Variants in GANC observed in about 807,000 individuals in gnomAD.
GANC encodes glucosidase alpha, neutral C.
A neutral mutation model predicts 124.2 loss-of-function variants in GANC; 117 were observed. That is an observed-to-expected ratio of 0.94 (90% CI 0.81 to 1.10). GANC has a LOEUF of 1.10. Among genes scored for constraint, GANC ranks in the 50% least tolerant of loss-of-function variants. The probability of loss-of-function intolerance (pLI) is 0.00; values close to 1 mark genes in which losing one functional copy is unlikely to be tolerated. For missense variants in GANC, 1,140 were observed against 1,095.0 expected, an observed-to-expected ratio of 1.04 and a Z score of -0.58; for synonymous variants, 377 against 376.8, an observed-to-expected ratio of 1.00 and a Z score of -0.01.
chr15:42,351,991 T>C, intron 23 of GANC, 39 bp from the exon 24 acceptor site: 2 of 1,612,038 alleles, frequency 1.2e-6, no homozygotes, highest in Non-Finnish European at 1.7e-6. Flanking sequence ...CTTCTAGAGA[T>C]TCATCAAAAT....
At chr15:42,286,796 T>C (rs2051793624) in intron 3 of GANC, among the ~76,000 whole-genome samples, 1 of 152,228 alleles carries the variant, frequency 6.6e-6, no homozygotes, top group South Asian at 2.1e-4. Flanking sequence ...CTAAGCTATG[T>C]CACACAACTT....
At position 42,308,523 on chromosome 15, in the gene GANC, G is replaced by A. The variant is rs140932629; in HGVS notation, c.722+205G>A. ...TTTTGAGACAGAGTCTTGCTCTGTCGCCCAGGCTGGAGTGCAGTGGCACAA... is the reference window on the plus strand; with the variant it reads ...TTTTGAGACAGAGTCTTGCTCTGTCACCCAGGCTGGAGTGCAGTGGCACAA... On this transcript the variant is annotated intron_variant, in intron 8 of 23. Coordinates refer to ENST00000318010, the MANE Select transcript of GANC (RefSeq NM_198141.3). 3.3e-4 allele frequency among the ~76,000 whole-genome samples: 50 copies of A among 152,046 alleles called. No individual in the cohort carries two copies. The East Asian group carries it at 8.1e-3, about 25-fold the overall frequency.
intron 21 of GANC, 134 bp downstream of exon 21, chr15:42,348,350 A>G: frequency 3.2e-6 from 2 of 626,502 alleles, no homozygotes; most frequent in Admixed American, 6.6e-5. Flanking sequence ...TCATTTCTGA[A>G]TCATTGTTCA....
At chr15:42,315,855 T>G (rs1017382513) in intron 10 of GANC, among the ~76,000 whole-genome samples, 9 of 152,018 alleles carry the variant, frequency 5.9e-5, no homozygotes, top group African/African-American at 1.9e-4. Context: ...GCCTTCAGGC[T>G]CAAGCTGCAA....
At chr15:42,286,523 T>A (rs1203109914) in intron 3 of GANC, among the ~76,000 whole-genome samples, 2 of 152,208 alleles carry the variant, frequency 1.3e-5, no homozygotes, top group African/African-American at 4.8e-5. Flanking sequence ...GTAGTTTAAA[T>A]ACATAAAAGA....
Position 42,310,789 on chromosome 15 carries a change from T to C in GANC, c.1000T>C (p.Phe334Leu). The C allele has an allele frequency of 6.2e-7, 1 of 1,614,046 alleles. No individual in the cohort carries two copies. The highest frequency in any genetic ancestry group is 1.1e-5 in the South Asian group (1 of 91,080). The change falls in exon 10 of 24, where the codon TTT becomes CTT. Residue 334 changes from phenylalanine (F) to leucine (L), a missense_variant. Physicochemically the swap from Phe to Leu is conservative, Grantham distance 22 (BLOSUM62 0). Transcript: ENST00000318010. ...WMSESGIIDVFLLTGPTPSDV... is the reference protein window; with the variant it reads ...WMSESGIIDVLLLTGPTPSDV... ...GTCAGAGAGTGGCATCATTGATGTT[T>C]TTCTGCTGACAGGACCTACACCTTC... is the stretch of plus-strand genomic sequence containing the variant.
At chr15:42,291,704 G>T (rs2051843579) in intron 4 of GANC, among the ~76,000 whole-genome samples, 1 of 152,268 alleles carries the variant, frequency 6.6e-6, no homozygotes, top group Admixed American at 6.5e-5. Context: ...TCAGAGACAA[G>T]GTGAACATAA....
rs532252968 is a variant in GANC at position 42,291,490 on chromosome 15, G to A, written c.330-1245G>A. 3.9e-5 allele frequency among the ~76,000 whole-genome samples: 6 copies of A among 152,224 alleles called. No homozygotes were observed. In the South Asian group the frequency reaches 1.0e-3, roughly 26 times the overall value. On this transcript the variant is annotated intron_variant, in intron 4 of 23. Coordinates refer to ENST00000318010, the MANE Select transcript of GANC (RefSeq NM_198141.3). Reference sequence around the variant, plus strand: ...TGCAACCAGCTCATCTAGCCCCTCTGGATTCTGTTCCCCACGAGAATCCAG... The same window carrying A: ...TGCAACCAGCTCATCTAGCCCCTCTAGATTCTGTTCCCCACGAGAATCCAG...
intron 14 of GANC, 117 bp downstream of exon 14, chr15:42,329,566 T>C (rs992818897): frequency 6.7e-5 from 72 of 1,076,878 alleles, no homozygotes; most frequent in Non-Finnish European, 8.4e-5. Flanking sequence ...GTGTGTCTTT[T>C]CTGACAACTG....
Position 42,330,667 on chromosome 15 carries a change from A to C in GANC, c.1736A>C (p.Lys579Thr). 1 of 1,604,982 alleles carries C rather than the reference A, an allele frequency of 6.2e-7. No individual in the cohort carries two copies. Among genetic ancestry groups the C allele is most frequent in the Non-Finnish European group, 8.5e-7 (1 of 1,176,308 alleles). ...CGTTCTTTCTTTGCTGGATCACAAA[A>C]GTATGGTAAGGAATGGCTCATATCA... Reference protein sequence around the residue: ...LTRSFFAGSQKYGAVWTGDNT... With the variant: ...LTRSFFAGSQTYGAVWTGDNT... The change falls in exon 15 of 24, where the codon AAG (lysine) becomes ACG (threonine). Residue 579 changes from lysine to threonine, a missense_variant. Lys to Thr is a moderately conservative substitution (Grantham distance 78). Transcript: ENST00000318010.
At chr15:42,351,212 T>C in intron 22 of GANC, 117 bp from the exon 23 acceptor site, 1 of 700,738 alleles carries the variant, frequency 1.4e-6, no homozygotes. Flanking sequence ...GACTCCCATA[T>C]GGATCATGCC....
At chr15:42,298,943 G>GT (rs1319128142) in intron 6 of GANC, among the ~76,000 whole-genome samples, 6 of 152,162 alleles carry the variant, frequency 3.9e-5, no homozygotes, top group African/African-American at 1.4e-4. Context: ...TTGCTTATCA[G>GT]TTTAAGGATT....
intron 13 of GANC, among the ~76,000 whole-genome samples, chr15:42,327,925 TTGATGA>T (rs1412652672): frequency 6.6e-6 from 1 of 152,208 alleles, no homozygotes; most frequent in Non-Finnish European, 1.5e-5. Flanking sequence ...GATGGCAGTG[TTGATGA>T]TGATGATACC....
At chr15:42,309,155 A>T (rs1310324977) in intron 8 of GANC, among the ~76,000 whole-genome samples, 2 of 152,170 alleles carry the variant, frequency 1.3e-5, no homozygotes, top group Non-Finnish European at 2.9e-5. Context: ...AGAGAAACAG[A>T]GTCTGATAAG....
chr15:42,328,176 T>G (rs1453562217), intron 13 of GANC, among the ~76,000 whole-genome samples: 1 of 152,186 alleles, frequency 6.6e-6, no homozygotes, highest in African/African-American at 2.4e-5. Flanking sequence ...AGCCCAGCTT[T>G]TAACCACTAA....
In GANC at chr15:42,308,247, C is replaced by G; in HGVS notation, c.651C>G (p.Phe217Leu). ...ANGPSSIGLD[F>L]SLHGFEHLYG... ...GCCCTTCTTCTATTGGTTTGGATTT[C>G]TCCTTGCATGGATTTGAGCATCTTT... The change falls in exon 8 of 24, where the codon TTC becomes TTG. Residue 217 changes from phenylalanine to leucine, a missense_variant. By Grantham distance (22) the Phe-to-Leu change is conservative. Transcript: ENST00000318010. The G allele has an allele frequency of 3.1e-6, 5 of 1,607,146 alleles. No homozygotes were observed. Among genetic ancestry groups the G allele is most frequent in the Non-Finnish European group, 4.3e-6 (5 of 1,174,922 alleles).
chr15:42,316,489 G>C (rs1488171814), intron 10 of GANC, among the ~76,000 whole-genome samples: 1 of 152,180 alleles, frequency 6.6e-6, no homozygotes, highest in Non-Finnish European at 1.5e-5. Context: ...AAAGCAGAGA[G>C]GGAAGGCAGC....
intron 6 of GANC, among the ~76,000 whole-genome samples, chr15:42,303,836 A>G (rs1232732032): frequency 1.3e-5 from 2 of 152,312 alleles, no homozygotes; most frequent in East Asian, 3.9e-4. Context: ...CCAATACAGG[A>G]GCACCCAGAT....
chr15:42,296,595 G>GGC (rs1555412861), intron 5 of GANC, among the ~76,000 whole-genome samples: 1 of 152,084 alleles, frequency 6.6e-6, no homozygotes, highest in Non-Finnish European at 1.5e-5. Context: ...GTTTCACCAT[G>GGC]TTGGCCAGGC....
Sources: allele counts gnomAD v4.1 joint callset (sites outside exome capture counted in the v4.1 genomes callset), GRCh38; gene constraint gnomAD v4.1.1; transcripts MANE v1.5; gene names NCBI Gene and HGNC (gene_info 2026-07-23, HGNC 2026-07-21).